The following GHRHR variants were observed in gnomAD, a reference collection of about 807,000 sequenced individuals.
GHRHR encodes the protein growth hormone releasing hormone receptor, also known as growth hormone-releasing hormone receptor.
In GHRHR, 40 loss-of-function variants were observed where a neutral mutation model predicts 58.3. The ratio of observed to expected loss-of-function variants is 0.69; its 90% confidence interval spans 0.53 to 0.89. GHRHR has a LOEUF of 0.89. Among genes scored for constraint, GHRHR ranks in the 40% least tolerant of loss-of-function variants. The pLI, the probability that GHRHR is intolerant of heterozygous loss-of-function variation, is 0.00. For missense variants in GHRHR, 551 were observed against 541.3 expected (o/e 1.02, Z -0.18); for synonymous variants, 249 against 216.6 (o/e 1.15, Z -1.31).
At chr7:30,966,063 C>T (rs539643125) in intron 1 of GHRHR, among the ~76,000 whole-genome samples, 27 of 152,298 alleles carry the variant, frequency 1.8e-4, no homozygotes, top group Non-Finnish European at 1.2e-4. Flanking sequence ...GGCAGAGCTG[C>T]GTCCAAGCCA....
At position 30,970,627 on chromosome 7, in the gene GHRHR, C is replaced by A. The variant is rs554043032; in HGVS notation, c.367-492C>A. 2.6e-5 allele frequency among the ~76,000 whole-genome samples: 4 copies of A among 152,358 alleles called. No homozygotes were observed. The East Asian group carries it at 7.7e-4, about 29-fold the overall frequency. On this transcript the variant is annotated intron_variant, in intron 4 of 12. Coordinates refer to ENST00000326139, the MANE Select transcript of GHRHR (RefSeq NM_000823.4). ...GGCCCCTGCTCCCTTCCCTTGCCTG[C>A]ACCCTCTATCTTCAGGGCCAGGCTG...
At chr7:30,966,102 A>C (rs1792344388) in intron 1 of GHRHR, among the ~76,000 whole-genome samples, 1 of 152,222 alleles carries the variant, frequency 6.6e-6, no homozygotes, top group African/African-American at 2.4e-5. Context: ...AGGGCGGGAC[A>C]GGAGTGACTT....
intron 12 of GHRHR, among the ~76,000 whole-genome samples, chr7:30,978,766 T>C (rs1792633825): frequency 6.6e-6 from 1 of 152,156 alleles, no homozygotes; most frequent in African/African-American, 2.4e-5. Context: ...AGAGTTGAGC[T>C]CACAAAATTG....
intron 6 of GHRHR, among the ~76,000 whole-genome samples, chr7:30,973,533 T>G (rs1584414604): frequency 6.6e-6 from 1 of 151,984 alleles, no homozygotes; most frequent in Non-Finnish European, 1.5e-5. Flanking sequence ...AGTCATGCAG[T>G]GAGTGAGTGA....
rs121918121 is a variant in GHRHR, at chr7:30,976,439, A to G, written c.985A>G (p.Lys329Glu). ...TTGTCTTTCCTGCAGGCGTCTCTCCAAGTCGACACTTTTCCTGATCCCACT... is the reference window on the plus strand; with the variant it reads ...TTGTCTTTCCTGCAGGCGTCTCTCCGAGTCGACACTTTTCCTGATCCCACT... Reference protein sequence around the residue: ...HTQSQYWRLSKSTLFLIPLFG... With the variant: ...HTQSQYWRLSESTLFLIPLFG... Residue 329 changes from lysine (K) to glutamate (E), a missense_variant, in exon 11 of 13, where the codon AAG becomes GAG. Coordinates refer to ENST00000326139, the MANE Select transcript of GHRHR (RefSeq NM_000823.4). 33 of 1,613,558 alleles carry G rather than the reference A, an allele frequency of 2.0e-5. No homozygotes were observed. The highest frequency in any genetic ancestry group is 2.7e-5 in the Non-Finnish European group (32 of 1,179,620).
At position 30,971,870 on chromosome 7, in the gene GHRHR, A is replaced by G. The variant is rs4988501; in HGVS notation, c.465-93A>G. Reference sequence around the variant, plus strand: ...GTTTGATTGCATCCAGTTTGATTCGATTCACCTCCTGCCCTGTTCAGCCCA... The same window carrying G: ...GTTTGATTGCATCCAGTTTGATTCGGTTCACCTCCTGCCCTGTTCAGCCCA... On this transcript the variant is annotated intron_variant, in intron 5 of 12. Coordinates refer to ENST00000326139, the MANE Select transcript of GHRHR (RefSeq NM_000823.4). The G allele has an allele frequency of 0.25, 295,382 of 1,167,262 alleles. 39,353 individuals are homozygous for G. Among genetic ancestry groups the G allele is most frequent in the African/African-American group, 0.27 (17,920 of 66,304 alleles). 72.3% of individuals were successfully genotyped at this position (1,167,262 alleles called of 1,614,324 possible).
At position 30,963,996 on chromosome 7, in the gene GHRHR, C is replaced by A; in HGVS notation, c.-73C>A. Reference sequence around the variant, plus strand: ...GAGGGTGCGGTGGAAACGGCTGTGTCAGGGGACAGCAGGGGAAGGAAGATA... The same window carrying A: ...GAGGGTGCGGTGGAAACGGCTGTGTAAGGGGACAGCAGGGGAAGGAAGATA... On this transcript the variant is annotated 5_prime_UTR_variant, in exon 1 of 13. Coordinates refer to ENST00000326139, the MANE Select transcript of GHRHR (RefSeq NM_000823.4). The A allele has an allele frequency of 7.3e-7, 1 of 1,368,426 alleles. No individual in the cohort carries two copies. Among genetic ancestry groups the A allele is most frequent in the Non-Finnish European group, 1.0e-6 (1 of 982,062 alleles). The allele number at this position is 1,368,426 out of a possible 1,614,324, so 84.8% of individuals were successfully genotyped here. A position where few individuals can be genotyped will look rare whatever the true frequency, so the allele number is the denominator to read the frequency against.
In GHRHR at chr7:30,972,131, GGA is replaced by G. The variant is rs35250788; in HGVS notation, c.597+42_597+43del. 1.6e-3 allele frequency: 2,591 copies of G among 1,610,892 alleles called. 24 individuals carry two copies. In the African/African-American group the frequency reaches 0.029, roughly 18 times the overall value. Reference sequence around the variant, plus strand: ...TGGGTGAAGGGGCTGGGCAGGTGGGGGAGAGAGGAGGTAGGATTACAGACCCA... The same window carrying G: ...TGGGTGAAGGGGCTGGGCAGGTGGGGGAGAGGAGGTAGGATTACAGACCCA... On this transcript the variant is annotated intron_variant, in intron 6 of 12. Transcript: ENST00000326139.
chr7:30,971,137 G>T lies in GHRHR; in HGVS notation c.385G>T (p.Val129Leu). 1 of 1,484,402 alleles carries T rather than the reference G, an allele frequency of 6.7e-7. No homozygotes were observed. Among genetic ancestry groups the T allele is most frequent in the Non-Finnish European group, 9.2e-7 (1 of 1,084,392 alleles). 92.0% of individuals were successfully genotyped at this position (1,484,402 alleles called of 1,614,324 possible). Reference sequence around the variant, plus strand: ...TTCCCAGGAATCTTACTTCTCCACAGTGAAGATTATCTACACCGTGGGCCA... The same window carrying T: ...TTCCCAGGAATCTTACTTCTCCACATTGAAGATTATCTACACCGTGGGCCA... ...LAEEESYFST[V>L]KIIYTVGHSI... Residue 129 changes from valine to leucine, a missense_variant, in exon 5 of 13, where the codon GTG becomes TTG. Transcript: ENST00000326139.
At chr7:30,978,192 C>T (rs1333727365) in intron 12 of GHRHR, among the ~76,000 whole-genome samples, 1 of 152,194 alleles carries the variant, frequency 6.6e-6, no homozygotes, top group African/African-American at 2.4e-5. Flanking sequence ...ACTGCTCCTT[C>T]CACTCTCCCT....
chr7:30,977,359 C>T (rs1368916416), intron 12 of GHRHR, 37 bp downstream of exon 12: 1 of 1,593,554 alleles, frequency 6.3e-7, no homozygotes, highest in Admixed American at 1.7e-5. Flanking sequence ...ATGGAGTCCC[C>T]CTCCCACCAG....
rs1034828146 is a variant in GHRHR, at chr7:30,966,383, A to AGG, written c.57+2260_57+2261dup. Among the ~76,000 whole-genome samples the AGG allele has an allele frequency of 2.8e-4, 18 of 63,348 alleles. No homozygotes were observed. The Admixed American group carries it at 4.5e-3, about 16-fold the overall frequency. The allele number at this position is 63,348 out of a possible 152,430, so 41.6% of individuals were successfully genotyped here. On this transcript the variant is annotated intron_variant, in intron 1 of 12. Transcript: ENST00000326139. ...CTGACATGGATCCTGCTAGACATTG[A>AGG]GGGTGTGTGTGTGTGGGGTGGGGGT...
In GHRHR at chr7:30,979,387, C is replaced by T. The variant is rs1049334500; in HGVS notation, c.*143C>T. 2.3e-5 allele frequency: 17 copies of T among 747,468 alleles called. No individual in the cohort carries two copies. The highest frequency in any genetic ancestry group is 3.9e-5 in the Non-Finnish European group (17 of 435,012). 46.3% of individuals were successfully genotyped at this position (747,468 alleles called of 1,614,324 possible). ...CAGGTGCAGCCCTTCCTCCCTGTCT[C>T]TGCATCTGACTCTCTTTTGAGGTCC... On this transcript the variant is annotated 3_prime_UTR_variant, in exon 13 of 13. Coordinates refer to ENST00000326139, the MANE Select transcript of GHRHR (RefSeq NM_000823.4).
intron 1 of GHRHR, among the ~76,000 whole-genome samples, chr7:30,967,603 A>ATCCATCCATCCGTCCAAG (rs1792383419): frequency 2.7e-5 from 1 of 37,576 alleles, no homozygotes; most frequent in Non-Finnish European, 4.6e-5. Context: ...TCATCTGTCT[A>ATCCATCCATCCGTCCAAG]TCCATCCATC....
rs532678098 is a variant in GHRHR, at chr7:30,971,224, A to G, written c.464+8A>G. ...CATCCTGGTTGCTCTCAGGTTTGTC[A>G]TCCTCATCACCAGCTCAAGAACCTT... On this transcript the variant is annotated splice_region_variant and intron_variant, in intron 5 of 12. Transcript: ENST00000326139. 2.4e-5 allele frequency: 30 copies of G among 1,270,348 alleles called. 2 individuals are homozygous for G. In the South Asian group the frequency reaches 3.8e-4, roughly 16 times the overall value. The allele number at this position is 1,270,348 out of a possible 1,614,324, so 78.7% of individuals were successfully genotyped here.
chr7:30,968,493 G>A (rs73307724), intron 1 of GHRHR, among the ~76,000 whole-genome samples: 4,812 of 151,980 alleles, frequency 0.032, 264 homozygotes, highest in African/African-American at 0.11. Context: ...CTCTTTTCCG[G>A]GGTGACTTTG....
intron 6 of GHRHR, among the ~76,000 whole-genome samples, chr7:30,973,419 G>C: frequency 6.6e-6 from 1 of 152,330 alleles, no homozygotes; most frequent in East Asian, 1.9e-4. Flanking sequence ...TTGTAGAGGA[G>C]AGACAGTTGG....
intron 12 of GHRHR, 112 bp from the exon 13 acceptor site, chr7:30,979,007 C>T (rs372488479): frequency 9.9e-7 from 1 of 1,009,050 alleles, no homozygotes; most frequent in Non-Finnish European, 1.6e-6. Flanking sequence ...ACTTTTCCTG[C>T]CCCATGTCTC....
chr7:30,969,009 TG>T, intron 2 of GHRHR, 53 bp from the exon 3 acceptor site: 1 of 1,548,066 alleles, frequency 6.5e-7, no homozygotes, highest in Non-Finnish European at 8.9e-7. Context: ...CTCGGATTAT[TG>T]GGACAGCCCT....
Sources: gnomAD v4.1 joint callset for allele counts (sites outside exome capture counted in the v4.1 genomes callset) on GRCh38, gnomAD v4.1.1 for gene constraint, MANE v1.5 for transcripts, NCBI Gene and HGNC (gene_info 2026-07-23, HGNC 2026-07-21) for gene names.